CHD7: variants seen among roughly 807,000 people sequenced by gnomAD.
The protein encoded by CHD7 is chromodomain helicase DNA binding protein 7.
A neutral mutation model predicts 307.3 loss-of-function variants in CHD7; 24 were observed. The observed-to-expected ratio is 0.08, with a 90% confidence interval of 0.06 to 0.11. The LOEUF (loss-of-function observed/expected upper bound fraction) is 0.11. CHD7 is among the 10% of genes least tolerant of loss of function. The probability of loss-of-function intolerance (pLI) is 1.00; values close to 1 mark genes in which losing one functional copy is unlikely to be tolerated. For missense variants in CHD7, 3,106 were observed against 3,727.1 expected, an observed-to-expected ratio of 0.83 and a Z score of 4.34; for synonymous variants, 1,363 against 1,349.9, an observed-to-expected ratio of 1.01 and a Z score of -0.21.
chr8:60,851,763 GT>G (rs1805466024), intron 28 of CHD7, among the ~76,000 whole-genome samples: 1 of 152,156 alleles, frequency 6.6e-6, no homozygotes, highest in Non-Finnish European at 1.5e-5. Context: ...CTTATAAGAA[GT>G]TTATGCTGTA....
At chr8:60,707,203 A>G (rs575572140) in intron 1 of CHD7, among the ~76,000 whole-genome samples, 5 of 152,352 alleles carry the variant, frequency 3.3e-5, no homozygotes, top group Admixed American at 3.3e-4. Flanking sequence ...GCTGTCTGGT[A>G]TGGTCTTGGA....
intron 9 of CHD7, among the ~76,000 whole-genome samples, chr8:60,820,683 T>C (rs1803986032): frequency 6.6e-6 from 1 of 152,236 alleles, no homozygotes; most frequent in Admixed American, 6.5e-5. Flanking sequence ...CCACCCACCA[T>C]GAATTGTGTC....
intron 1 of CHD7, among the ~76,000 whole-genome samples, chr8:60,711,195 CTT>C (rs1472934549): frequency 6.6e-6 from 1 of 152,140 alleles, no homozygotes; most frequent in African/African-American, 2.4e-5. Context: ...CATTGAATAA[CTT>C]TATTTTGTAC....
chr8:60,856,287 T>C (rs1805704603), intron 33 of CHD7, 85 bp downstream of exon 33: 1 of 1,262,986 alleles, frequency 7.9e-7, no homozygotes, highest in Non-Finnish European at 1.1e-6. Flanking sequence ...TTCACTGGCC[T>C]TGCTTAGAAA....
At chr8:60,761,655 C>G (rs1411024075) in intron 2 of CHD7, among the ~76,000 whole-genome samples, 1 of 151,500 alleles carries the variant, frequency 6.6e-6, no homozygotes, top group African/African-American at 2.4e-5. Flanking sequence ...TCCAGGCTTC[C>G]CTATATCTCT....
intron 6 of CHD7, among the ~76,000 whole-genome samples, chr8:60,804,699 T>C (rs140466349): frequency 5.1e-4 from 77 of 152,298 alleles, no homozygotes; most frequent in Middle Eastern, 3.4e-3. Flanking sequence ...TGCTCTGTAT[T>C]TTAGTTTCTT....
At chr8:60,718,647 TAAA>T (rs762649073) in intron 1 of CHD7, among the ~76,000 whole-genome samples, 62 of 152,216 alleles carry the variant, frequency 4.1e-4, no homozygotes, top group Non-Finnish European at 5.3e-4. Flanking sequence ...GTCTATAAAA[TAAA>T]AAAGTTACAG....
At chr8:60,823,531 T>G (rs1325381659) in intron 12 of CHD7, among the ~76,000 whole-genome samples, 1 of 152,198 alleles carries the variant, frequency 6.6e-6, no homozygotes, top group African/African-American at 2.4e-5. Context: ...TCTTTAGATT[T>G]GGGAAATTAT....
chr8:60,854,281 C>A lies in CHD7; in HGVS notation c.6776-82C>A, dbSNP rs929379556. 6 of 1,258,288 alleles carry A rather than the reference C, an allele frequency of 4.8e-6. No individual in the cohort carries two copies. The African/African-American group carries it at 8.9e-5, about 19-fold the overall frequency. 77.9% of individuals were successfully genotyped at this position (1,258,288 alleles called of 1,614,324 possible). On this transcript the variant is annotated intron_variant, in intron 31 of 37. Transcript: ENST00000423902. The stretch of plus-strand genomic sequence containing the variant: ...CAATAAAATGGAGCTGATTAGTATT[C>A]ACATTTTTAATCATGTCCTTTCTAA...
chr8:60,814,215 T>C (rs915578861), intron 7 of CHD7, among the ~76,000 whole-genome samples: 1 of 152,216 alleles, frequency 6.6e-6, no homozygotes, highest in Admixed American at 6.5e-5. Context: ...CATCAGAGTC[T>C]AGAAAGCAGA....
Position 60,680,856 on chromosome 8 carries a change from C to A in CHD7, c.-175+1774C>A, listed in dbSNP as rs1012498629. Among the ~76,000 whole-genome samples, 3 of 152,168 alleles carry A rather than the reference C, an allele frequency of 2.0e-5. No homozygotes were observed. The East Asian group carries it at 5.8e-4, about 29-fold the overall frequency. On this transcript the variant is annotated intron_variant, in intron 1 of 37. Transcript: ENST00000423902. ...TTCCCATTGTATATTATCTAGCAAT[C>A]GATTTAAATAACTTATCTTAAAAAG...
chr8:60,846,273 G>A (rs1160452108), intron 23 of CHD7, among the ~76,000 whole-genome samples: 2 of 152,116 alleles, frequency 1.3e-5, no homozygotes, highest in East Asian at 1.9e-4. Flanking sequence ...GGGAGTTCAT[G>A]TATTATTTTT....
intron 1 of CHD7, among the ~76,000 whole-genome samples, chr8:60,740,831 A>G (rs1808962367): frequency 1.3e-5 from 2 of 152,226 alleles, no homozygotes. Flanking sequence ...GCTCAGGGGA[A>G]TAAGGTTAAG....
chr8:60,707,822 A>G (rs772174855), intron 1 of CHD7, among the ~76,000 whole-genome samples: 5 of 152,354 alleles, frequency 3.3e-5, no homozygotes, highest in East Asian at 3.9e-4. Flanking sequence ...CCATTTCACT[A>G]TAAGTATATG....
intron 2 of CHD7, among the ~76,000 whole-genome samples, chr8:60,756,720 C>T (rs530093195): frequency 6.6e-6 from 1 of 152,278 alleles, no homozygotes; most frequent in African/African-American, 2.4e-5. Flanking sequence ...CGCGCATACA[C>T]ACACACACAT....
intron 1 of CHD7, among the ~76,000 whole-genome samples, chr8:60,735,851 C>T (rs1028514961): frequency 5.9e-5 from 9 of 152,176 alleles, no homozygotes; most frequent in South Asian, 4.1e-4. Context: ...TAGGCACTGT[C>T]GAGTAGGTAG....
rs558325728 is a variant in CHD7 at position 60,759,928 on chromosome 8, G to A, written c.1665+16831G>A. Among the ~76,000 whole-genome samples, 6 of 152,180 alleles carry A rather than the reference G, an allele frequency of 3.9e-5. No individual in the cohort carries two copies. In the South Asian group the frequency reaches 1.2e-3, roughly 32 times the overall value. On this transcript the variant is annotated intron_variant, in intron 2 of 37. Transcript: ENST00000423902. ...TTAGTGACTGCCTAGTATGTGATAC[G>A]TGCTGAGAATATAATGTTAAATGCT...
chr8:60,695,882 A>T (rs1037136688), intron 1 of CHD7, among the ~76,000 whole-genome samples: 3 of 152,198 alleles, frequency 2.0e-5, no homozygotes, highest in Non-Finnish European at 4.4e-5. Flanking sequence ...CTGAAGTTTC[A>T]TAAGTATAAA....
chr8:60,838,859 A>T (rs547351756), intron 19 of CHD7, among the ~76,000 whole-genome samples: 47 of 152,160 alleles, frequency 3.1e-4, no homozygotes, highest in Admixed American at 7.9e-4. Context: ...CTGAGGTTTC[A>T]CCTGCATTTT....
Sources: gnomAD v4.1 joint callset for allele counts (sites outside exome capture counted in the v4.1 genomes callset) on GRCh38, gnomAD v4.1.1 for gene constraint, MANE v1.5 for transcripts, NCBI Gene and HGNC (gene_info 2026-07-23, HGNC 2026-07-21) for gene names.